The following EIF2AK1 variants were observed in gnomAD, a reference collection of about 807,000 sequenced individuals.
EIF2AK1 encodes the protein eukaryotic translation initiation factor 2-alpha kinase 1.
A neutral mutation model predicts 77.9 loss-of-function variants in EIF2AK1; 54 were observed. The observed-to-expected ratio is 0.69, with a 90% CI of 0.56 to 0.87. The LOEUF is 0.87. EIF2AK1 is among the 40% of genes least tolerant of loss of function. The pLI, the probability that EIF2AK1 is intolerant of heterozygous loss-of-function variation, is 0.00. For synonymous variants in EIF2AK1, 314 were observed against 290.5 expected, an observed-to-expected ratio of 1.08 and a Z score of -0.82; for missense variants, 810 against 768.6, an observed-to-expected ratio of 1.05 and a Z score of -0.64.
intron 1 of EIF2AK1, among the ~76,000 whole-genome samples, chr7:6,055,818 G>A (rs1395904138): frequency 6.9e-6 from 1 of 144,048 alleles, no homozygotes; most frequent in Non-Finnish European, 1.5e-5. Flanking sequence ...CTGTCTCTAC[G>A]AAAAAACAAA....
In EIF2AK1 at chr7:6,029,037, C is replaced by T. The variant is rs371088396; in HGVS notation, c.1333-5G>A. ...ATGAAGAAAAATATTTCTTGGCTAT[C>T]AACAAACAAAACAAGTCAACTCCTT... On this transcript the variant is annotated splice_polypyrimidine_tract_variant and splice_region_variant and intron_variant, in intron 11 of 14. Coordinates refer to ENST00000199389, the MANE Select transcript of EIF2AK1 (RefSeq NM_014413.4). 1.9e-6 allele frequency: 3 copies of T among 1,601,186 alleles called. No homozygotes were observed. The East Asian group carries it at 6.7e-5, about 36-fold the overall frequency.
At chr7:6,049,872 A>AT (rs1562756828) in intron 3 of EIF2AK1, 40 bp downstream of exon 3, 2 of 1,548,418 alleles carry the variant, frequency 1.3e-6, no homozygotes, top group Non-Finnish European at 8.8e-7. Flanking sequence ...AAATTAAAGT[A>AT]TATTTTTGTC....
chr7:6,046,888 A>C (rs989399809), intron 5 of EIF2AK1, 104 bp downstream of exon 5: 1 of 1,090,820 alleles, frequency 9.2e-7, no homozygotes, highest in Non-Finnish European at 1.3e-6. Flanking sequence ...CGACAGAGCG[A>C]GACTCCATCT....
At position 6,040,948 on chromosome 7, in the gene EIF2AK1, A is replaced by C. The variant is rs371652583; in HGVS notation, c.1063T>G (p.Phe355Val). The C allele has an allele frequency of 1.9e-6, 3 of 1,614,162 alleles. No individual in the cohort carries two copies. The highest frequency in any genetic ancestry group is 1.7e-5 in the Admixed American group (1 of 60,008). The stretch of plus-strand genomic sequence containing the variant: ...TCGGAAGATTCTTCGGTGGATGTGA[A>C]ACTCTCCTCTAGGTGGGAATTACGC... ...LRRNSHLEESFTSTEESSEEN... is the reference protein window; with the variant it reads ...LRRNSHLEESVTSTEESSEEN... Residue 355 changes from phenylalanine to valine, a missense_variant, in exon 9 of 15, where the codon TTC (phenylalanine) becomes GTC (valine). This residue lies in a region of EIF2AK1 where 549 missense variants were observed against 533.7 expected (regional missense o/e 1.03). Coordinates refer to ENST00000199389, the MANE Select transcript of EIF2AK1 (RefSeq NM_014413.4).
intron 2 of EIF2AK1, among the ~76,000 whole-genome samples, chr7:6,050,858 C>T (rs988952638): frequency 7.2e-5 from 11 of 152,052 alleles, no homozygotes; most frequent in African/African-American, 2.2e-4. Context: ...CCACCTTGGC[C>T]TCCCTAAGTG....
intron 2 of EIF2AK1, among the ~76,000 whole-genome samples, chr7:6,051,371 A>G (rs575252741): frequency 6.7e-6 from 1 of 149,196 alleles, no homozygotes; most frequent in African/African-American, 2.5e-5. Flanking sequence ...TCCAGGGTTC[A>G]TGCGATTTTC....
In EIF2AK1 at chr7:6,059,140, T is replaced by C. The variant is rs1050907825; in HGVS notation, c.-57A>G. 1.5e-4 allele frequency: 179 copies of C among 1,168,454 alleles called. No homozygotes were observed. The highest frequency in any genetic ancestry group is 2.2e-5 in the Non-Finnish European group (20 of 894,898). 72.4% of individuals were successfully genotyped at this position (1,168,454 alleles called of 1,614,324 possible). A position where few individuals can be genotyped will look rare whatever the true frequency, so the allele number is the denominator to read the frequency against. ...GCCGGCCAGCCCAGCACTGCCACAC[T>C]CCGATGCTGCAGCTAGCGCCGTCCG... On this transcript the variant is annotated 5_prime_UTR_variant, in exon 1 of 15. Transcript: ENST00000199389.
rs1312178471 is a variant in EIF2AK1 at position 6,058,758 on chromosome 7, A to ACT, written c.118+207_118+208insAG. ...ACAGAAATGTAAACAAAGGAGGGAG[A>ACT]GGCAGACGTTCTTTTCAATAAATAT... On this transcript the variant is annotated intron_variant, in intron 1 of 14. Coordinates refer to ENST00000199389, the MANE Select transcript of EIF2AK1 (RefSeq NM_014413.4). 4.6e-5 allele frequency among the ~76,000 whole-genome samples: 7 copies of ACT among 152,308 alleles called. No homozygotes were observed. In the East Asian group the frequency reaches 1.4e-3, roughly 29 times the overall value.
chr7:6,044,437 C>CA (rs928568869), intron 7 of EIF2AK1, 125 bp downstream of exon 7: 1,234 of 729,070 alleles, frequency 1.7e-3, no homozygotes, highest in East Asian at 1.9e-3. Flanking sequence ...GACTCCGTCT[C>CA]AAAAAAAAAT....
In EIF2AK1 at chr7:6,053,378, G is replaced by A. The variant is rs1788660907; in HGVS notation, c.277+1168C>T. ...ATATTCTTTTCGTTATTTTTATTTT[G>A]TTGAGACTGAGTCTTGCTCTGTCGC... On this transcript the variant is annotated intron_variant, in intron 2 of 14. Transcript: ENST00000199389. Among the ~76,000 whole-genome samples the A allele has an allele frequency of 2.6e-5, 4 of 151,820 alleles. No homozygotes were observed. In the South Asian group the frequency reaches 8.3e-4, roughly 31 times the overall value.
Position 6,024,768 on chromosome 7 carries a change from G to A in EIF2AK1, c.1798C>T (p.Gln600Ter). ...NLTLQMKIIE[Q>*]EKEIAELKKQ... ...TTTAGTTCTGCAATTTCTTTTTCTT[G>A]CTCTATTATCTTCATCTGTAGGGTG... is the stretch of plus-strand genomic sequence containing the variant. Residue 600 changes from glutamine to a stop codon, truncating the protein, a stop_gained, in exon 15 of 15, where the codon CAA becomes TAA. Transcript: ENST00000199389. LOFTEE classifies it low-confidence loss of function (END_TRUNC). 2 of 1,583,198 alleles carry A rather than the reference G, an allele frequency of 1.3e-6. No individual in the cohort carries two copies. Among genetic ancestry groups the A allele is most frequent in the Non-Finnish European group, 1.7e-6 (2 of 1,168,994 alleles).
chr7:6,053,932 A>C (rs1443722559), intron 2 of EIF2AK1, among the ~76,000 whole-genome samples: 1 of 151,732 alleles, frequency 6.6e-6, no homozygotes, highest in African/African-American at 2.4e-5. Flanking sequence ...TTGGCCTCCC[A>C]AAGTGCTGGG....
At chr7:6,041,392 A>C (rs1253830420) in intron 8 of EIF2AK1, among the ~76,000 whole-genome samples, 173 bp from the exon 9 acceptor site, 1 of 152,030 alleles carries the variant, frequency 6.6e-6, no homozygotes, top group African/African-American at 2.4e-5. Context: ...CACAAAAATT[A>C]GACGGGTATG....
intron 11 of EIF2AK1, among the ~76,000 whole-genome samples, chr7:6,030,647 C>T (rs62456189): frequency 0.21 from 32,285 of 152,032 alleles, 3,681 homozygotes; most frequent in Middle Eastern, 0.33. Flanking sequence ...TACAGGCGCA[C>T]GCCACCACAG....
chr7:6,056,613 A>AAAAAAAAAAATATATAT, intron 1 of EIF2AK1, among the ~76,000 whole-genome samples: 3 of 43,730 alleles, frequency 6.9e-5, no homozygotes, highest in African/African-American at 2.5e-4. Flanking sequence ...AAAAAAAAAA[A>AAAAAAAAAAATATATAT]ATATATATAT....
rs1787927124 is a variant in EIF2AK1, at chr7:6,032,055, T to G, written c.1333-3023A>C. On this transcript the variant is annotated intron_variant, in intron 11 of 14. Transcript: ENST00000199389. The surrounding 1 kb of genome is among the most constrained non-coding windows in gnomAD (Gnocchi z 4.3). ...CGGGCTTGGTGGCAGGAGCCTGTAA[T>G]CTCAGCTACTCGGACGGCTGAGGCA... Among the ~76,000 whole-genome samples the G allele has an allele frequency of 6.6e-6, 1 of 151,998 alleles. No homozygotes were observed.
intron 13 of EIF2AK1, among the ~76,000 whole-genome samples, chr7:6,028,342 C>G (rs563341822): frequency 6.6e-6 from 1 of 152,002 alleles, no homozygotes; most frequent in Non-Finnish European, 1.5e-5. Flanking sequence ...ACCTCTGCCT[C>G]CCAGATTCAA....
intron 2 of EIF2AK1, 152 bp from the exon 3 acceptor site, chr7:6,050,197 G>A: frequency 1.5e-6 from 1 of 688,048 alleles, no homozygotes; most frequent in South Asian, 2.5e-5. Flanking sequence ...TAAACTTGGA[G>A]AATGTTCTCT....
chr7:6,040,868 G>A, intron 9 of EIF2AK1, 24 bp downstream of exon 9: 2 of 1,598,262 alleles, frequency 1.3e-6, no homozygotes, highest in South Asian at 1.1e-5. Context: ...GGCCAAATTA[G>A]GAGGGTCTGG....
Sources: gnomAD v4.1 joint callset for allele counts (sites outside exome capture counted in the v4.1 genomes callset) on GRCh38, gnomAD v4.1.1 for gene constraint, gnomAD v4.1.1 regional missense constraint, Gnocchi (gnomAD v3.1) non-coding constraint, MANE v1.5 for transcripts, NCBI Gene and HGNC (gene_info 2026-07-23, HGNC 2026-07-21) for gene names.